The following ARHGAP22 variants were observed in gnomAD, a reference collection of about 807,000 sequenced individuals.
ARHGAP22 encodes Rho GTPase activating protein 22.
ARHGAP22 carries 48 observed loss-of-function variants against 59.1 expected under a neutral mutation model. The observed-to-expected ratio is 0.81, with a 90% CI of 0.64 to 1.03. The LOEUF is 1.03. ARHGAP22 is among the 50% of genes least tolerant of loss of function. The probability of loss-of-function intolerance (pLI) is 0.00; values close to 1 mark genes in which losing one functional copy is unlikely to be tolerated. For synonymous variants in ARHGAP22, 445 were observed against 416.4 expected (o/e 1.07, Z -0.84); for missense variants, 1,015 against 958.7 (o/e 1.06, Z -0.78).
At chr10:48,630,905 G>C (rs1053541087) in intron 1 of ARHGAP22, among the ~76,000 whole-genome samples, 2 of 152,220 alleles carry the variant, frequency 1.3e-5, no homozygotes, top group Non-Finnish European at 2.9e-5. Flanking sequence ...TATACATTTT[G>C]CTGTAGGGTT....
At chr10:48,588,247 C>T (rs935285) in intron 1 of ARHGAP22, among the ~76,000 whole-genome samples, 11,403 of 152,134 alleles carry the variant, frequency 0.075, 457 homozygotes, top group Middle Eastern at 0.11. Flanking sequence ...TAGGCATCCC[C>T]GAGGGTTCCA....
the ARHGAP22 span, among the ~76,000 whole-genome samples, chr10:48,431,508 A>C: frequency 6.6e-6 from 1 of 152,222 alleles, no homozygotes; most frequent in African/African-American, 2.4e-5. Flanking sequence ...ACAGAAATTT[A>C]AAAACTTTTT....
chr10:48,507,016 C>T (rs1304327049), intron 3 of ARHGAP22, among the ~76,000 whole-genome samples: 1 of 152,208 alleles, frequency 6.6e-6, no homozygotes, highest in Non-Finnish European at 1.5e-5. Context: ...ACGCCCCCCA[C>T]CAGTACCCCA....
At chr10:48,655,241 ATGTGTG>A (rs71465467), upstream of ARHGAP22, among the ~76,000 whole-genome samples, 2 of 29,882 alleles carry the variant, frequency 6.7e-5, no homozygotes, top group African/African-American at 2.4e-4. Flanking sequence ...TGGAGAGTGG[ATGTGTG>A]TGTGTGTGTG....
At chr10:48,606,458 A>G (rs2060677268), upstream of ARHGAP22, among the ~76,000 whole-genome samples, 1 of 152,220 alleles carries the variant, frequency 6.6e-6, no homozygotes. Flanking sequence ...TCTGGTCTTC[A>G]GCTACTCCTC....
At chr10:48,656,197 G>C (rs1239716328), upstream of ARHGAP22, 1 of 151,510 alleles carries the variant, frequency 6.6e-6, no homozygotes, top group Non-Finnish European at 1.5e-5. Context: ...AGGCGAGCAG[G>C]GCCGGGGGGA....
At chr10:48,479,514 A>T (rs961984475) in intron 4 of ARHGAP22, 122 bp downstream of exon 4, 11 of 1,556,418 alleles carry the variant, frequency 7.1e-6, no homozygotes, top group Middle Eastern at 1.7e-4. Context: ...TGCTGTGAGA[A>T]GCACAGGATG....
At chr10:48,595,975 G>T (rs2060043197) in intron 1 of ARHGAP22, among the ~76,000 whole-genome samples, 1 of 152,192 alleles carries the variant, frequency 6.6e-6, no homozygotes, top group Non-Finnish European at 1.5e-5. Context: ...CCTGCCCCCA[G>T]GAGTGAAAAT....
At chr10:48,530,539 C>G (rs567641549) in intron 3 of ARHGAP22, among the ~76,000 whole-genome samples, 2 of 152,272 alleles carry the variant, frequency 1.3e-5, no homozygotes, top group South Asian at 4.1e-4. Context: ...GACTAACATC[C>G]AGAATCTAAA....
At chr10:48,501,140 A>G (rs1483809282) in intron 3 of ARHGAP22, among the ~76,000 whole-genome samples, 1 of 152,222 alleles carries the variant, frequency 6.6e-6, no homozygotes, top group Non-Finnish European at 1.5e-5. Flanking sequence ...CTTTGCAGGT[A>G]TTAAAAAATG....
chr10:48,447,594 G>A (rs2045491645), intron 9 of ARHGAP22, among the ~76,000 whole-genome samples: 1 of 152,182 alleles, frequency 6.6e-6, no homozygotes, highest in Non-Finnish European at 1.5e-5. Context: ...ATCACAGACA[G>A]CTGTCAGAGA....
At chr10:48,586,402 G>A (rs961419176) in intron 1 of ARHGAP22, among the ~76,000 whole-genome samples, 7 of 152,186 alleles carry the variant, frequency 4.6e-5, no homozygotes, top group Admixed American at 1.3e-4. Flanking sequence ...GTGCTTAGAC[G>A]TACAGGTGCC....
intron 1 of ARHGAP22, among the ~76,000 whole-genome samples, chr10:48,650,969 CAG>C (rs1036383001): frequency 2.6e-5 from 4 of 152,190 alleles, no homozygotes; most frequent in Non-Finnish European, 4.4e-5. Flanking sequence ...TTCATGAACA[CAG>C]AGCTTTACTC....
chr10:48,463,278 G>A (rs578051976), intron 4 of ARHGAP22, among the ~76,000 whole-genome samples: 10 of 152,256 alleles, frequency 6.6e-5, no homozygotes, highest in African/African-American at 1.4e-4. Context: ...ACAGGTATTC[G>A]TTCACCTCTT....
At chr10:48,549,462 C>A (rs1484944478) in intron 3 of ARHGAP22, among the ~76,000 whole-genome samples, 1 of 152,108 alleles carries the variant, frequency 6.6e-6, no homozygotes, top group Non-Finnish European at 1.5e-5. Context: ...TGGCACCATG[C>A]CTATCACCTT....
chr10:48,445,085 G>A (rs2045293717), downstream of ARHGAP22: 1 of 152,394 alleles, frequency 6.6e-6, no homozygotes, highest in African/African-American at 2.4e-5. Context: ...GCCACACTGT[G>A]GGAGCTGCCC....
chr10:48,460,624 G>T (rs1458521077), intron 4 of ARHGAP22, among the ~76,000 whole-genome samples: 1 of 152,206 alleles, frequency 6.6e-6, no homozygotes, highest in East Asian at 1.9e-4. Context: ...CCTCCCCTGG[G>T]TATATACCTA....
intron 3 of ARHGAP22, among the ~76,000 whole-genome samples, chr10:48,538,884 C>T (rs1402164753): frequency 6.6e-6 from 1 of 152,090 alleles, no homozygotes; most frequent in African/African-American, 2.4e-5. Context: ...TGACCACAAA[C>T]CAGGAATGCT....
chr10:48,451,555 T>C, intron 8 of ARHGAP22: 1 of 702,394 alleles, frequency 1.4e-6, no homozygotes, highest in Non-Finnish European at 2.6e-6. Context: ...CATGCCTGAA[T>C]GTCCACACTC....
Sources: allele counts gnomAD v4.1 joint callset (sites outside exome capture counted in the v4.1 genomes callset), GRCh38; gene constraint gnomAD v4.1.1; transcripts MANE v1.5; gene names NCBI Gene and HGNC (gene_info 2026-07-23, HGNC 2026-07-21).